The following MIPOL1 variants were observed in gnomAD, a reference collection of about 807,000 sequenced individuals.
MIPOL1 encodes the protein mirror-image polydactyly 1, also known as mirror-image polydactyly gene 1 protein.
MIPOL1 carries 57 observed loss-of-function variants against 60.9 expected under a neutral mutation model. The observed-to-expected ratio is 0.94, with a 90% CI of 0.76 to 1.17. MIPOL1 has a LOEUF of 1.17. Among genes scored for constraint, MIPOL1 ranks in the 50% most tolerant of loss-of-function variants. The pLI is 0.00. For synonymous variants in MIPOL1, 179 were observed against 168.8 expected (o/e 1.06, Z -0.47); for missense variants, 551 against 511.6 (o/e 1.08, Z -0.74).
chr14:37,216,084 GA>G (rs148280249), intron 1 of MIPOL1, among the ~76,000 whole-genome samples: 5,517 of 138,610 alleles, frequency 0.04, 238 homozygotes, highest in African/African-American at 0.11. Context: ...AAAAAAGAAA[GA>G]AAAGAAAGGG....
chr14:37,236,493 T>G (rs2415390), intron 1 of MIPOL1, among the ~76,000 whole-genome samples: 21,306 of 151,056 alleles, frequency 0.14, 4,338 homozygotes, highest in African/African-American at 0.46. Context: ...CTGGAGTGCA[T>G]TGGTGCAATC....
At chr14:37,498,684 A>G (rs907853758) in intron 11 of MIPOL1, among the ~76,000 whole-genome samples, 1 of 152,136 alleles carries the variant, frequency 6.6e-6, no homozygotes, top group Non-Finnish European at 1.5e-5. Context: ...CTGTGTAGTA[A>G]CCAGTTGACC....
chr14:37,204,713 C>T (rs956919074), intron 1 of MIPOL1, among the ~76,000 whole-genome samples: 7 of 152,018 alleles, frequency 4.6e-5, no homozygotes, highest in East Asian at 3.9e-4. Context: ...TTATTAGCAG[C>T]GTGAAAACGG....
intron 1 of MIPOL1, among the ~76,000 whole-genome samples, chr14:37,212,074 G>C (rs549017560): frequency 2.0e-5 from 3 of 152,216 alleles, no homozygotes; most frequent in Non-Finnish European, 4.4e-5. Context: ...TGATACCCAG[G>C]TACTACATCA....
intron 12 of MIPOL1, among the ~76,000 whole-genome samples, chr14:37,530,545 G>A (rs1207868248): frequency 6.6e-6 from 1 of 152,166 alleles, no homozygotes; most frequent in African/African-American, 2.4e-5. Context: ...TTTCCATGGA[G>A]TTTAGTGCTA....
intron 10 of MIPOL1, among the ~76,000 whole-genome samples, chr14:37,415,898 A>G (rs1172947386): frequency 6.6e-6 from 1 of 152,088 alleles, no homozygotes; most frequent in Non-Finnish European, 1.5e-5. Flanking sequence ...ATGTCTTCCT[A>G]TTTTGCTGTG....
intron 1 of MIPOL1, among the ~76,000 whole-genome samples, chr14:37,227,490 TTGTG>T (rs1043164518): frequency 4.6e-5 from 7 of 151,660 alleles, no homozygotes; most frequent in Middle Eastern, 3.2e-3. Context: ...GTGTGTGTGT[TTGTG>T]TGTGTGTATG....
chr14:37,290,335 C>G (rs931398920), intron 7 of MIPOL1, among the ~76,000 whole-genome samples: 1 of 152,082 alleles, frequency 6.6e-6, no homozygotes, highest in Non-Finnish European at 1.5e-5. Context: ...GAGCTATTTT[C>G]CCACCTCAGC....
intron 12 of MIPOL1, among the ~76,000 whole-genome samples, chr14:37,511,698 C>T (rs1450745310): frequency 6.6e-6 from 1 of 152,142 alleles, no homozygotes; most frequent in Non-Finnish European, 1.5e-5. Context: ...CATACCTAAG[C>T]TCCACATAGT....
intron 10 of MIPOL1, among the ~76,000 whole-genome samples, chr14:37,392,505 A>G (rs1413690394): frequency 1.3e-5 from 2 of 152,086 alleles, no homozygotes. Context: ...CATTATGTAT[A>G]CCTTTTATTT....
At chr14:37,271,031 T>A (rs1056643700) in intron 6 of MIPOL1, among the ~76,000 whole-genome samples, 4 of 152,116 alleles carry the variant, frequency 2.6e-5, no homozygotes, top group African/African-American at 7.2e-5. Context: ...GGTAATATTT[T>A]CCCTGAGATT....
intron 11 of MIPOL1, among the ~76,000 whole-genome samples, chr14:37,495,097 T>A (rs938043038): frequency 6.8e-6 from 1 of 148,080 alleles, no homozygotes; most frequent in Middle Eastern, 3.5e-3. Flanking sequence ...ATTGATTCTT[T>A]TTTTTTCTAG....
At chr14:37,371,119 G>A (rs537752719) in intron 10 of MIPOL1, among the ~76,000 whole-genome samples, 6 of 151,638 alleles carry the variant, frequency 4.0e-5, no homozygotes, top group African/African-American at 1.4e-4. Flanking sequence ...GAAATAGATG[G>A]AATAATTTTT....
intron 9 of MIPOL1, among the ~76,000 whole-genome samples, chr14:37,355,243 C>A (rs1044586179): frequency 9.3e-5 from 13 of 139,946 alleles, no homozygotes; most frequent in African/African-American, 3.1e-4. Context: ...CCCCCACTCT[C>A]TTCTGGCTTG....
chr14:37,219,565 A>G (rs1417597152), intron 1 of MIPOL1: 1 of 152,164 alleles, frequency 6.6e-6, no homozygotes, highest in East Asian at 1.9e-4. Context: ...ACGAGGTCTC[A>G]CTATATTGCC....
intron 12 of MIPOL1, among the ~76,000 whole-genome samples, chr14:37,539,319 A>G (rs1044803078): frequency 6.6e-6 from 1 of 152,226 alleles, no homozygotes; most frequent in East Asian, 1.9e-4. Context: ...TGATATGGAA[A>G]TATTAATTGT....
intron 9 of MIPOL1, among the ~76,000 whole-genome samples, chr14:37,331,508 ATATTT>A (rs986094405): frequency 1.4e-5 from 2 of 145,292 alleles, no homozygotes; most frequent in African/African-American, 5.1e-5. Flanking sequence ...TTATTGCTAG[ATATTT>A]TATTTTATTT....
intron 11 of MIPOL1, among the ~76,000 whole-genome samples, chr14:37,484,493 G>A (rs1042795164): frequency 2.0e-5 from 3 of 151,580 alleles, no homozygotes; most frequent in African/African-American, 7.3e-5. Context: ...GTGTCCTACC[G>A]CGCCCAGCAC....
chr14:37,391,265 A>G (rs2093229196), intron 10 of MIPOL1, among the ~76,000 whole-genome samples: 1 of 152,212 alleles, frequency 6.6e-6, no homozygotes, highest in Non-Finnish European at 1.5e-5. Flanking sequence ...GAATTGAAAA[A>G]CATAGTAAAG....
Sources: allele counts gnomAD v4.1 joint callset (sites outside exome capture counted in the v4.1 genomes callset), GRCh38; gene constraint gnomAD v4.1.1; transcripts MANE v1.5; gene names NCBI Gene and HGNC (gene_info 2026-07-23, HGNC 2026-07-21).